Variants in WDR88 observed in about 807,000 individuals in gnomAD.
The protein encoded by WDR88 is WD repeat domain 88.
A neutral mutation model predicts 46.8 loss-of-function variants in WDR88; 40 were observed. The ratio of observed to expected loss-of-function variants is 0.86; its 90% CI spans 0.66 to 1.11. The LOEUF is 1.11. WDR88 is among the 50% of genes most tolerant of loss of function. The pLI is 0.00. For synonymous variants in WDR88, 235 were observed against 240.7 expected, an observed-to-expected ratio of 0.98 and a Z score of 0.22; for missense variants, 562 against 602.4, an observed-to-expected ratio of 0.93 and a Z score of 0.70.
intron 2 of WDR88, chr19:33,142,718 G>A (rs1195666556): frequency 2.0e-5 from 3 of 151,704 alleles, no homozygotes; most frequent in Admixed American, 6.6e-5. Context: ...CTCAAAAGGG[G>A]AAAGAAGGGC....
At chr19:33,175,300 G>A in intron 10 of WDR88, 96 bp from the exon 11 acceptor site, 2 of 1,284,844 alleles carry the variant, frequency 1.6e-6, no homozygotes, top group Non-Finnish European at 1.1e-6. Context: ...CCCTTGCCTT[G>A]CCCCAGCTCA....
chr19:33,162,774 C>T (rs1038530851), intron 8 of WDR88, among the ~76,000 whole-genome samples: 17 of 151,988 alleles, frequency 1.1e-4, no homozygotes, highest in African/African-American at 3.4e-4. Context: ...CCCAGCTACT[C>T]GGGAGGCTGA....
intron 2 of WDR88, among the ~76,000 whole-genome samples, chr19:33,139,980 C>G (rs980776398): frequency 1.3e-5 from 2 of 152,098 alleles, no homozygotes; most frequent in Non-Finnish European, 2.9e-5. Context: ...TGCACAGGAC[C>G]AGTTGTGTGA....
intron 8 of WDR88, among the ~76,000 whole-genome samples, chr19:33,163,226 G>A (rs941650566): frequency 2.6e-5 from 4 of 152,048 alleles, no homozygotes; most frequent in African/African-American, 7.2e-5. Context: ...CCAGCTACTC[G>A]GGAGGCTGAG....
Position 33,134,843 on chromosome 19 carries a change from C to T in WDR88, c.276+2398C>T, listed in dbSNP as rs113981489. Among the ~76,000 whole-genome samples, 12 of 130,782 alleles carry T rather than the reference C, an allele frequency of 9.2e-5. No individual in the cohort carries two copies. The South Asian group carries it at 1.4e-3, about 15-fold the overall frequency. The allele number at this position is 130,782 out of a possible 152,430, so 85.8% of individuals were successfully genotyped here. On this transcript the variant is annotated intron_variant, in intron 1 of 10. Transcript: ENST00000355868. ...TCTCCACCTGCACGTCCCCGACACC[C>T]CCCCCCCCGCCCCGCATCACCTGCA... is the stretch of plus-strand genomic sequence containing the variant.
chr19:33,151,220 C>G lies in WDR88; in HGVS notation c.719C>G (p.Pro240Arg), dbSNP rs1202491497. 6.2e-7 allele frequency: 1 copy of G among 1,613,772 alleles called. No homozygotes were observed. Among genetic ancestry groups the G allele is most frequent in the Admixed American group, 1.7e-5 (1 of 59,948 alleles). The change falls in exon 6 of 11, where the codon CCC (proline) becomes CGC (arginine). Residue 240 changes from proline to arginine, a missense_variant. Transcript: ENST00000355868. ...TRSITSCCFD[P>R]DSQRVASVSL... ...TCCATCACGTCATGCTGCTTTGACC[C>G]CGACAGCCAGAGGGTGGCTTCTGTC...
intron 3 of WDR88, among the ~76,000 whole-genome samples, chr19:33,145,876 G>A (rs907080621): frequency 2.0e-5 from 3 of 152,142 alleles, no homozygotes; most frequent in African/African-American, 4.8e-5. Context: ...CCACAGAAAC[G>A]TGCCATGTAA....
intron 9 of WDR88, among the ~76,000 whole-genome samples, chr19:33,166,785 A>G (rs11879258): frequency 0.013 from 1,979 of 149,564 alleles, 51 homozygotes; most frequent in African/African-American, 0.046. Flanking sequence ...GGTGGCGCAC[A>G]CCTGTAGTTC....
At chr19:33,163,641 CTT>C (rs557195235) in intron 8 of WDR88, among the ~76,000 whole-genome samples, 29 of 139,928 alleles carry the variant, frequency 2.1e-4, no homozygotes, top group Admixed American at 2.9e-4. Context: ...CTGCTCTTTC[CTT>C]TTTTTTTTTT....
intron 8 of WDR88, among the ~76,000 whole-genome samples, chr19:33,163,147 C>G (rs906454599): frequency 2.0e-5 from 3 of 152,042 alleles, no homozygotes; most frequent in Non-Finnish European, 4.4e-5. Flanking sequence ...TCCTGGCTAA[C>G]ACAGTGAAAC....
chr19:33,141,359 A>G (rs1973392138), intron 2 of WDR88, among the ~76,000 whole-genome samples: 1 of 151,248 alleles, frequency 6.6e-6, no homozygotes, highest in East Asian at 1.9e-4. Flanking sequence ...CCTCCTGAGT[A>G]TCTGGGACTG....
chr19:33,141,909 G>A (rs1973403624), intron 2 of WDR88, among the ~76,000 whole-genome samples: 1 of 152,160 alleles, frequency 6.6e-6, no homozygotes, highest in Admixed American at 6.6e-5. Context: ...TCAAACTCCT[G>A]ACCTCAGGTG....
intron 1 of WDR88, among the ~76,000 whole-genome samples, chr19:33,135,994 A>T (rs1314032155): frequency 2.0e-5 from 3 of 151,172 alleles, no homozygotes; most frequent in African/African-American, 7.3e-5. Flanking sequence ...GGTTCAAGCG[A>T]TTCTCCTGCC....
chr19:33,164,201 A>G lies in WDR88; in HGVS notation c.1085A>G (p.His362Arg), dbSNP rs1213339071. The change falls in exon 9 of 11, where the codon CAT becomes CGT. Residue 362 changes from histidine (H) to arginine (R), a missense_variant. His to Arg is a conservative substitution (Grantham distance 29). Transcript: ENST00000355868. ...EGYRKLSLKG[H>R]NDWVMDVAIS... ...TAAAATTTGATATTTCTTCAGGGCC[A>G]TAATGACTGGGTGATGGATGTTGCC... 1 of 1,613,704 alleles carries G rather than the reference A, an allele frequency of 6.2e-7. No homozygotes were observed. The highest frequency in any genetic ancestry group is 8.5e-7 in the Non-Finnish European group (1 of 1,179,562).
Position 33,156,488 on chromosome 19 carries a change from ACT to A in WDR88, c.946_947del (p.Leu316AspfsTer5). On this transcript the variant is annotated frameshift_variant, in exon 7 of 11. Transcript: ENST00000355868. LOFTEE classifies it high-confidence loss of function. The stretch of plus-strand genomic sequence containing the variant: ...GTTTCGAAACTGTGGAGCCTGTGTG[ACT>A]CTGATGCAGGGCCATGAAGGTTCTG... ...GEFRNCGACV[T>X]LMQGHEGSVS... 1 of 1,614,086 alleles carries A rather than the reference ACT, an allele frequency of 6.2e-7. No individual in the cohort carries two copies. Among genetic ancestry groups the A allele is most frequent in the South Asian group, 1.1e-5 (1 of 91,064 alleles).
chr19:33,144,571 C>T (rs969129056), intron 2 of WDR88, among the ~76,000 whole-genome samples: 10 of 152,186 alleles, frequency 6.6e-5, no homozygotes, highest in African/African-American at 2.4e-4. Context: ...GTTTGCAGCT[C>T]TGCCCCCAGC....
At chr19:33,132,526 T>C (rs192619555) in intron 1 of WDR88, 81 bp downstream of exon 1, 318 of 1,553,638 alleles carry the variant, frequency 2.0e-4, no homozygotes, top group Non-Finnish European at 2.7e-4. Context: ...GGGGGACCCA[T>C]GGAAAACCCA....
At position 33,137,804 on chromosome 19, in the gene WDR88, T is replaced by A; in HGVS notation, c.387+17T>A. 1 of 1,607,926 alleles carries A rather than the reference T, an allele frequency of 6.2e-7. No homozygotes were observed. Among genetic ancestry groups the A allele is most frequent in the South Asian group, 1.1e-5 (1 of 90,770 alleles). On this transcript the variant is annotated intron_variant, in intron 2 of 10. Coordinates refer to ENST00000355868, the MANE Select transcript of WDR88 (RefSeq NM_173479.4). ...AAGCTGTGGGTAGGTGGCCGGCTGT[T>A]AGGTACTCCTGGAGCGAAAACCTTT...
At position 33,157,277 on chromosome 19, in the gene WDR88, A is replaced by AC. The variant is rs577328691; in HGVS notation, c.997+737dup. On this transcript the variant is annotated intron_variant, in intron 7 of 10. Transcript: ENST00000355868. ...TTTGGGAGGCTGAGGTGGGCGGATC[A>AC]CCTGAGGTCAGGAGTTCAAGATCAG... Among the ~76,000 whole-genome samples the AC allele has an allele frequency of 5.6e-4, 85 of 151,480 alleles. 2 individuals are homozygous for AC. In the South Asian group the frequency reaches 0.017, roughly 30 times the overall value.
Sources: gnomAD v4.1 joint callset for allele counts (sites outside exome capture counted in the v4.1 genomes callset) on GRCh38, gnomAD v4.1.1 for gene constraint, MANE v1.5 for transcripts, NCBI Gene and HGNC (gene_info 2026-07-23, HGNC 2026-07-21) for gene names.